The following ECT2L variants were observed in gnomAD, a reference collection of about 807,000 sequenced individuals.
ECT2L encodes epithelial cell transforming 2 like.
A neutral mutation model predicts 122.8 loss-of-function variants in ECT2L; 126 were observed. That is an observed-to-expected ratio of 1.03 (90% confidence interval 0.89 to 1.19). The LOEUF is 1.19. Ranked by LOEUF, ECT2L falls within the 50% of genes most tolerant of loss-of-function variation. The pLI, the probability that ECT2L is intolerant of heterozygous loss-of-function variation, is 0.00. For missense variants in ECT2L, 1,012 were observed against 1,064.1 expected (o/e 0.95, Z 0.68); for synonymous variants, 385 against 381.8 (o/e 1.01, Z -0.10).
intron 11 of ECT2L, 105 bp downstream of exon 11, chr6:138,862,824 T>C: frequency 1.1e-6 from 1 of 873,254 alleles, no homozygotes; most frequent in African/African-American, 1.7e-5. Context: ...TGATATCCAT[T>C]ACTCTCTTTC....
At chr6:138,841,236 T>C (rs971188839) in intron 5 of ECT2L, among the ~76,000 whole-genome samples, 12 of 152,230 alleles carry the variant, frequency 7.9e-5, no homozygotes, top group African/African-American at 2.7e-4. Context: ...TCTATAGTTA[T>C]TAAAAACCAA....
At chr6:138,896,522 T>C (rs1042382468) in intron 20 of ECT2L, among the ~76,000 whole-genome samples, 1 of 152,208 alleles carries the variant, frequency 6.6e-6, no homozygotes, top group African/African-American at 2.4e-5. Flanking sequence ...TGGTCCAGAA[T>C]TGACTCATTT....
intron 4 of ECT2L, among the ~76,000 whole-genome samples, chr6:138,825,317 T>C (rs1287524804): frequency 6.6e-6 from 1 of 152,192 alleles, no homozygotes; most frequent in Non-Finnish European, 1.5e-5. Context: ...CGGTGGCTCA[T>C]GCCTGTAATC....
chr6:138,799,895 C>T (rs184958227), intron 1 of ECT2L, among the ~76,000 whole-genome samples: 1 of 152,280 alleles, frequency 6.6e-6, no homozygotes, highest in East Asian at 1.9e-4. Context: ...TAATCTAACT[C>T]CCAGGGTGAA....
chr6:138,847,656 C>T (rs2128392152), intron 8 of ECT2L, among the ~76,000 whole-genome samples: 1 of 150,914 alleles, frequency 6.6e-6, no homozygotes, highest in South Asian at 2.1e-4. Context: ...GGATTACAGG[C>T]GTAAGCCACC....
chr6:138,878,536 T>TC (rs1778543051), intron 14 of ECT2L, among the ~76,000 whole-genome samples: 1 of 152,160 alleles, frequency 6.6e-6, no homozygotes, highest in Admixed American at 6.5e-5. Flanking sequence ...AACCTCTGCC[T>TC]CCCAGGTTCC....
chr6:138,809,828 G>A (rs1245490837), intron 1 of ECT2L, among the ~76,000 whole-genome samples: 10 of 152,242 alleles, frequency 6.6e-5, no homozygotes, highest in Middle Eastern at 3.4e-3. Flanking sequence ...TTCCTTGAAC[G>A]TTTAGTAGAT....
In ECT2L at chr6:138,849,313, T is replaced by A. The variant is rs757322837; in HGVS notation, c.948T>A (p.Tyr316Ter). ...AGGCTGGTGTTGTTTCTGTGGTATA[T>A]GAACACAGCGTAACCTTGGAAAGCC... Reference protein sequence around the residue: ...SVKAGVVSVVYEHSVTLESLL... With the variant: ...SVKAGVVSVV Residue 316 changes from tyrosine (Y) to a stop codon, truncating the protein, a stop_gained, in exon 9 of 22, where the codon TAT (tyrosine) becomes TAA (stop). Transcript: ENST00000541398. LOFTEE classifies it high-confidence loss of function. The A allele has an allele frequency of 2.5e-6, 4 of 1,614,052 alleles. No individual in the cohort carries two copies. Among genetic ancestry groups the A allele is most frequent in the East Asian group, 2.2e-5 (1 of 44,864 alleles).
intron 13 of ECT2L, among the ~76,000 whole-genome samples, chr6:138,870,531 C>T (rs1432598817): frequency 6.6e-6 from 1 of 152,030 alleles, no homozygotes; most frequent in Admixed American, 6.6e-5. Context: ...GCATAAACTG[C>T]AACATGTTAA....
intron 10 of ECT2L, among the ~76,000 whole-genome samples, chr6:138,861,834 CA>C (rs1363145213): frequency 6.6e-6 from 1 of 152,184 alleles, no homozygotes; most frequent in African/African-American, 2.4e-5. Flanking sequence ...CATCATATTC[CA>C]TCCTGTTTTT....
intron 9 of ECT2L, among the ~76,000 whole-genome samples, chr6:138,851,482 CTTTTTTTTTT>C (rs56921189): frequency 3.6e-5 from 4 of 109,636 alleles, no homozygotes; most frequent in African/African-American, 1.1e-4. Flanking sequence ...TGTGCCTAGC[CTTTTTTTTTT>C]TTTTTTTTTT....
At chr6:138,889,710 C>T (rs908397083) in intron 20 of ECT2L, among the ~76,000 whole-genome samples, 1 of 152,130 alleles carries the variant, frequency 6.6e-6, no homozygotes, top group Non-Finnish European at 1.5e-5. Flanking sequence ...ATTTATTATC[C>T]TCAGATAGTT....
chr6:138,806,511 C>CTTCTTTTTT (rs530723007), intron 1 of ECT2L, among the ~76,000 whole-genome samples: 5 of 89,666 alleles, frequency 5.6e-5, no homozygotes, highest in African/African-American at 9.3e-5. Context: ...AAAATTCACG[C>CTTCTTTTTT]TTTTTTTTTT....
At chr6:138,891,542 T>C (rs1168881778) in intron 20 of ECT2L, among the ~76,000 whole-genome samples, 1 of 151,590 alleles carries the variant, frequency 6.6e-6, no homozygotes, top group Non-Finnish European at 1.5e-5. Flanking sequence ...GATCTTTAGA[T>C]AAACTTAACT....
rs1215917088 is a variant in ECT2L at position 138,838,450 on chromosome 6, T to C, written c.278T>C (p.Leu93Ser). The C allele has an allele frequency of 6.2e-7, 1 of 1,614,062 alleles. No homozygotes were observed. Residue 93 changes from leucine (L) to serine (S), a missense_variant, in exon 5 of 22, where the codon TTG becomes TCG. Leu to Ser is a moderately radical substitution (Grantham distance 145). Transcript: ENST00000541398. Reference sequence around the variant, plus strand: ...ATTTCTCTATATATCTTTTCCTTTTTGAGTCCGAAAGATTTGTGTGCCGCT... The same window carrying C: ...ATTTCTCTATATATCTTTTCCTTTTCGAGTCCGAAAGATTTGTGTGCCGCT... Reference protein sequence around the residue: ...RFISLYIFSFLSPKDLCAAAQ... With the variant: ...RFISLYIFSFSSPKDLCAAAQ...
intron 17 of ECT2L, 29 bp from the exon 18 acceptor site, chr6:138,885,645 C>A: frequency 6.2e-7 from 1 of 1,613,824 alleles, no homozygotes; most frequent in Non-Finnish European, 8.5e-7. Flanking sequence ...CTTCAGAGAC[C>A]AGAGCTCCCT....
At chr6:138,799,535 G>A (rs1412078525) in intron 1 of ECT2L, among the ~76,000 whole-genome samples, 1 of 151,800 alleles carries the variant, frequency 6.6e-6, no homozygotes, top group Admixed American at 6.6e-5. Context: ...GATTGCAGGC[G>A]TGAGCCACCG....
intron 1 of ECT2L, among the ~76,000 whole-genome samples, chr6:138,811,332 C>G (rs1562451925): frequency 6.6e-6 from 1 of 152,220 alleles, no homozygotes; most frequent in Non-Finnish European, 1.5e-5. Flanking sequence ...CATGAATGAG[C>G]TGCAGGGCCT....
At chr6:138,820,213 C>A (rs1776228169) in intron 4 of ECT2L, among the ~76,000 whole-genome samples, 1 of 152,212 alleles carries the variant, frequency 6.6e-6, no homozygotes, top group Non-Finnish European at 1.5e-5. Context: ...ACTGCCTCCC[C>A]TGGATGGTGT....
Sources: gnomAD v4.1 joint callset for allele counts (sites outside exome capture counted in the v4.1 genomes callset) on GRCh38, gnomAD v4.1.1 for gene constraint, MANE v1.5 for transcripts, NCBI Gene and HGNC (gene_info 2026-07-23, HGNC 2026-07-21) for gene names.